The following ARHGEF2 variants were observed in gnomAD, a reference collection of about 807,000 sequenced individuals.
ARHGEF2 encodes the protein Rho/Rac guanine nucleotide exchange factor 2, also known as rho guanine nucleotide exchange factor 2.
In ARHGEF2, 22 loss-of-function variants were observed where a neutral mutation model predicts 121.0. The observed-to-expected ratio is 0.18, with a 90% CI of 0.13 to 0.26. ARHGEF2 has a LOEUF of 0.26. Among genes scored for constraint, ARHGEF2 ranks in the 10% least tolerant of loss-of-function variants. The pLI is 1.00. For synonymous variants in ARHGEF2, 487 were observed against 530.0 expected (o/e 0.92, Z 1.11); for missense variants, 907 against 1,336.0 (o/e 0.68, Z 5.01).
intron 1 of ARHGEF2, chr1:155,970,372 G>C: frequency 1.0e-6 from 1 of 985,406 alleles, no homozygotes; most frequent in Non-Finnish European, 1.2e-6. Flanking sequence ...TTCCCAAAAA[G>C]CCTGAGAAGG....
At chr1:155,979,388 C>G, upstream of ARHGEF2, 1 of 945,332 alleles carries the variant, frequency 1.1e-6, no homozygotes, top group Non-Finnish European at 1.3e-6. Flanking sequence ...AGCCTCTCCC[C>G]AAGAAGCAGG....
intron 13 of ARHGEF2, among the ~76,000 whole-genome samples, chr1:155,956,097 C>A (rs1158336104): frequency 6.6e-6 from 1 of 152,016 alleles, no homozygotes; most frequent in Non-Finnish European, 1.5e-5. Flanking sequence ...TTGGAATAGG[C>A]AATTTCATAA....
At position 155,978,399 on chromosome 1, in the gene ARHGEF2, G is replaced by C; in HGVS notation, c.29C>G (p.Ala10Gly). MSRIESLTR[A>G]RIDRSRELAS... ...CAGCTCTCTGCTCCGGTCGATCCGC[G>C]CCCGCGTGAGGGATTCGATCCGAGA... The change falls in exon 1 of 22, where the codon GCG becomes GGG. Residue 10 changes from alanine to glycine, a missense_variant. Ala to Gly is a moderately conservative substitution (Grantham distance 60). Coordinates refer to ENST00000361247, the MANE Select transcript of ARHGEF2 (RefSeq NM_001162383.2). This position sits in a 1 kb window ranked among gnomAD's most constrained non-coding sequence, Gnocchi z 4.1. 6.6e-7 allele frequency: 1 copy of C among 1,518,580 alleles called. No homozygotes were observed. The highest frequency in any genetic ancestry group is 8.9e-7 in the Non-Finnish European group (1 of 1,124,224). 94.1% of individuals were successfully genotyped at this position (1,518,580 alleles called of 1,614,324 possible).
chr1:155,948,774 A>G (rs931353561), intron 21 of ARHGEF2, among the ~76,000 whole-genome samples: 6 of 152,194 alleles, frequency 3.9e-5, no homozygotes, highest in African/African-American at 1.4e-4. Context: ...TCTCTCTAAC[A>G]TAAAAAATTT....
rs1409232844 is a variant in ARHGEF2 at position 155,962,501 on chromosome 1, C to T, written c.1101+92G>A. 1.3e-6 allele frequency: 2 copies of T among 1,559,342 alleles called. No homozygotes were observed. Among genetic ancestry groups the T allele is most frequent in the Non-Finnish European group, 8.7e-7 (1 of 1,148,534 alleles). On this transcript the variant is annotated intron_variant, in intron 9 of 21. Transcript: ENST00000361247. The surrounding 1 kb of genome is among the most constrained non-coding windows in gnomAD (Gnocchi z 5.8). ...TCTGCACGGGTGGCGAATGCCTGAC[C>T]TCCATGTGGGTGCAGCTCACAGGCA...
Position 155,961,894 on chromosome 1 carries a change from C to T in ARHGEF2, c.1235G>A (p.Arg412His), listed in dbSNP as rs1356038204. ...CCCCAGTGCTGTGGTCAGGTCCTGGCGCTCCTCCTCGATCCCTGGCACCGG... is the reference window on the plus strand; with the variant it reads ...CCCCAGTGCTGTGGTCAGGTCCTGGTGCTCCTCCTCGATCCCTGGCACCGG... The part of the protein sequence containing the change: ...LQHSHGIEEE[R>H]QDLTTALGLV... Residue 412 changes from arginine to histidine, a missense_variant, in exon 11 of 22, where the codon CGC (arginine) becomes CAC (histidine). Arg to His is a conservative substitution (Grantham distance 29). Coordinates refer to ENST00000361247, the MANE Select transcript of ARHGEF2 (RefSeq NM_001162383.2). This position sits in a 1 kb window ranked among gnomAD's most constrained non-coding sequence, Gnocchi z 4.7. 22 of 1,613,926 alleles carry T rather than the reference C, an allele frequency of 1.4e-5. No individual in the cohort carries two copies. Among genetic ancestry groups the T allele is most frequent in the East Asian group, 4.5e-5 (2 of 44,894 alleles).
chr1:155,967,750 C>A (rs1397717589), intron 2 of ARHGEF2, among the ~76,000 whole-genome samples: 1 of 152,148 alleles, frequency 6.6e-6, no homozygotes, highest in Non-Finnish European at 1.5e-5. Flanking sequence ...AAGGAGGATT[C>A]GCTGAGCCTA....
Position 155,962,228 on chromosome 1 carries a change from A to G in ARHGEF2, c.1102-6T>C. 6.2e-7 allele frequency: 1 copy of G among 1,613,452 alleles called. No individual in the cohort carries two copies. Among genetic ancestry groups the G allele is most frequent in the South Asian group, 1.1e-5 (1 of 91,064 alleles). ...ACGGCGGGGCGGGTCACTTTCTACAAGGGAGGAGGCAGGGCTCAGGGCCAG... is the reference window on the plus strand; with the variant it reads ...ACGGCGGGGCGGGTCACTTTCTACAGGGGAGGAGGCAGGGCTCAGGGCCAG... On this transcript the variant is annotated splice_polypyrimidine_tract_variant and splice_region_variant and intron_variant, in intron 9 of 21. Transcript: ENST00000361247. The surrounding 1 kb of genome is among the most constrained non-coding windows in gnomAD (Gnocchi z 5.8).
rs1681690928 is a variant in ARHGEF2, at chr1:155,978,288, A to G, written c.63+77T>C. ...GCGCCCAGAAAGCAGGCGGGGAGACAGGAGATGCACCGCGGGTGCCGGGGT... is the reference window on the plus strand; with the variant it reads ...GCGCCCAGAAAGCAGGCGGGGAGACGGGAGATGCACCGCGGGTGCCGGGGT... On this transcript the variant is annotated intron_variant, in intron 1 of 21. Coordinates refer to ENST00000361247, the MANE Select transcript of ARHGEF2 (RefSeq NM_001162383.2). This position sits in a 1 kb window ranked among gnomAD's most constrained non-coding sequence, Gnocchi z 4.1. The G allele has an allele frequency of 5.3e-6, 7 of 1,318,944 alleles. No individual in the cohort carries two copies. The African/African-American group carries it at 7.7e-5, about 14-fold the overall frequency. 81.7% of individuals were successfully genotyped at this position (1,318,944 alleles called of 1,614,324 possible).
chr1:155,955,018 T>C, intron 13 of ARHGEF2, 49 bp from the exon 14 acceptor site: 4 of 1,524,270 alleles, frequency 2.6e-6, no homozygotes, highest in Non-Finnish European at 3.6e-6. Flanking sequence ...AGCTAGGTTA[T>C]AGACCAGAAT....
At chr1:155,968,066 C>T (rs1679780396) in intron 2 of ARHGEF2, among the ~76,000 whole-genome samples, 1 of 151,968 alleles carries the variant, frequency 6.6e-6, no homozygotes, top group Admixed American at 6.6e-5. Flanking sequence ...TCCCCTGTTC[C>T]CCTGGCAACA....
Position 155,947,543 on chromosome 1 carries a change from A to C in ARHGEF2, c.*399T>G. 7 of 409,960 alleles carry C rather than the reference A, an allele frequency of 1.7e-5. No individual in the cohort carries two copies. The highest frequency in any genetic ancestry group is 1.2e-4 in the South Asian group (7 of 56,822). The allele number at this position is 409,960 out of a possible 1,614,324, so 25.4% of individuals were successfully genotyped here. ...GCAGGGGAGGGCCGTTAGGGCAAGA[A>C]CCCAGCAGCTGCGTGGATGAGCCTG... On this transcript the variant is annotated 3_prime_UTR_variant, in exon 22 of 22. Transcript: ENST00000361247.
chr1:155,978,724 GC>G, upstream of ARHGEF2: 9 of 790,278 alleles, frequency 1.1e-5, no homozygotes, highest in Non-Finnish European at 1.1e-5. This position sits in a 1 kb window ranked among gnomAD's most constrained non-coding sequence, Gnocchi z 4.1. Context: ...GGTTTGAGAG[GC>G]CCCTCTGCCT....
Position 155,951,619 on chromosome 1 carries a change from G to A in ARHGEF2, c.2209-86C>T, listed in dbSNP as rs1675475414. Reference sequence around the variant, plus strand: ...TTGAACAAGGGTGGGTGTGGGGACAGTAGGATCCGGAGACATACTTGAATG... The same window carrying A: ...TTGAACAAGGGTGGGTGTGGGGACAATAGGATCCGGAGACATACTTGAATG... On this transcript the variant is annotated intron_variant, in intron 18 of 21. Coordinates refer to ENST00000361247, the MANE Select transcript of ARHGEF2 (RefSeq NM_001162383.2). The surrounding 1 kb of genome is among the most constrained non-coding windows in gnomAD (Gnocchi z 5.1). 4.4e-6 allele frequency: 7 copies of A among 1,607,046 alleles called. No homozygotes were observed. Among genetic ancestry groups the A allele is most frequent in the Non-Finnish European group, 6.0e-6 (7 of 1,173,858 alleles).
chr1:155,976,861 G>A (rs1433069070), intron 1 of ARHGEF2, among the ~76,000 whole-genome samples: 2 of 151,780 alleles, frequency 1.3e-5, no homozygotes, highest in Non-Finnish European at 1.5e-5. Flanking sequence ...ACCTCACCCC[G>A]GCCCTCTGTT....
chr1:155,972,473 G>A (rs901381286), intron 1 of ARHGEF2, among the ~76,000 whole-genome samples: 1 of 152,160 alleles, frequency 6.6e-6, no homozygotes, highest in Non-Finnish European at 1.5e-5. Context: ...GAGGTGGAGT[G>A]AGTGGGCTTG....
At chr1:155,963,379 T>C (rs889776597) in intron 7 of ARHGEF2, among the ~76,000 whole-genome samples, 196 bp from the exon 8 acceptor site, 4 of 146,968 alleles carry the variant, frequency 2.7e-5, no homozygotes, top group African/African-American at 1.0e-4. Flanking sequence ...AGAGTCTCAC[T>C]GTATTGCCCA....
At chr1:155,964,189 T>TATATATAC (rs1558031493) in intron 7 of ARHGEF2, among the ~76,000 whole-genome samples, 43 of 125,532 alleles carry the variant, frequency 3.4e-4, no homozygotes, top group African/African-American at 1.4e-3. Flanking sequence ...TATATATATA[T>TATATATAC]ATATATATAC....
chr1:155,947,515 G>T lies in ARHGEF2; in HGVS notation c.*427C>A. Reference sequence around the variant, plus strand: ...CTGCAGCCTCTCCTCCAAGACGGATGTTGCAGGGGAGGGCCGTTAGGGCAA... The same window carrying T: ...CTGCAGCCTCTCCTCCAAGACGGATTTTGCAGGGGAGGGCCGTTAGGGCAA... On this transcript the variant is annotated 3_prime_UTR_variant, in exon 22 of 22. Transcript: ENST00000361247. 1 of 436,828 alleles carries T rather than the reference G, an allele frequency of 2.3e-6. No individual in the cohort carries two copies. The highest frequency in any genetic ancestry group is 4.6e-6 in the Non-Finnish European group (1 of 216,700). 27.1% of individuals were successfully genotyped at this position (436,828 alleles called of 1,614,324 possible). A position where few individuals can be genotyped will look rare whatever the true frequency, so the allele number is the denominator to read the frequency against.
Sources: allele counts gnomAD v4.1 joint callset (sites outside exome capture counted in the v4.1 genomes callset), GRCh38; gene constraint gnomAD v4.1.1; non-coding constraint Gnocchi (gnomAD v3.1); transcripts MANE v1.5; gene names NCBI Gene and HGNC (gene_info 2026-07-23, HGNC 2026-07-21).